The following CLVS1 variants were observed in gnomAD, a reference collection of about 807,000 sequenced individuals.
The protein encoded by CLVS1 is clavesin 1.
CLVS1 carries 10 observed loss-of-function variants against 33.1 expected under a neutral mutation model. The ratio of observed to expected loss-of-function variants is 0.30; its 90% CI spans 0.19 to 0.51. The LOEUF (loss-of-function observed/expected upper bound fraction) is 0.51, where lower values mean the gene tolerates loss of function less well. CLVS1 is among the 20% of genes least tolerant of loss of function. The pLI is 0.97. For missense variants in CLVS1, 343 were observed against 433.4 expected, an observed-to-expected ratio of 0.79 and a Z score of 1.85; for synonymous variants, 163 against 166.1, an observed-to-expected ratio of 0.98 and a Z score of 0.14.
intron 1 of CLVS1, among the ~76,000 whole-genome samples, chr8:61,075,215 T>A (rs935535147): frequency 6.6e-6 from 1 of 152,140 alleles, no homozygotes; most frequent in Non-Finnish European, 1.5e-5. Context: ...AGGTGGCTAT[T>A]TTCACGTAGC....
At chr8:61,218,704 G>A (rs1248334912) in intron 2 of CLVS1, among the ~76,000 whole-genome samples, 1 of 151,414 alleles carries the variant, frequency 6.6e-6, no homozygotes, top group African/African-American at 2.4e-5. Flanking sequence ...GGAGGCTGAG[G>A]CGGGTGGACA....
intron 2 of CLVS1, among the ~76,000 whole-genome samples, chr8:61,259,608 G>A (rs1181215519): frequency 6.6e-6 from 1 of 152,232 alleles, no homozygotes; most frequent in Non-Finnish European, 1.5e-5. Flanking sequence ...AGAACGAGAT[G>A]ATGTAGGCAG....
chr8:61,244,736 T>C (rs753120867), intron 2 of CLVS1, among the ~76,000 whole-genome samples: 3 of 152,166 alleles, frequency 2.0e-5, no homozygotes, highest in Non-Finnish European at 4.4e-5. Flanking sequence ...GTGGCATGTG[T>C]GTATGGGGGT....
chr8:60,999,954 G>A, the CLVS1 span, among the ~76,000 whole-genome samples: 1 of 152,226 alleles, frequency 6.6e-6, no homozygotes, highest in South Asian at 2.1e-4. Flanking sequence ...GGAGGCTGAA[G>A]GGATAGGCAG....
chr8:61,213,690 G>A (rs1313269014), intron 2 of CLVS1, among the ~76,000 whole-genome samples: 1 of 152,078 alleles, frequency 6.6e-6, no homozygotes, highest in African/African-American at 2.4e-5. Flanking sequence ...GAGGATGTAT[G>A]TTGCCTCAGG....
intron 2 of CLVS1, among the ~76,000 whole-genome samples, chr8:61,341,597 AATGC>A (rs1812031411): frequency 6.6e-6 from 1 of 152,126 alleles, no homozygotes; most frequent in Non-Finnish European, 1.5e-5. Flanking sequence ...TCTTCCTGGG[AATGC>A]ACACCTCCGT....
chr8:61,493,924 A>G (rs1356781973), intron 5 of CLVS1, among the ~76,000 whole-genome samples: 3 of 152,174 alleles, frequency 2.0e-5, no homozygotes. Flanking sequence ...CTCTTGGTGA[A>G]TGCCTGGGGT....
rs1014539396 is a variant in CLVS1, at chr8:61,211,006, G to A, written c.-152+79146G>A. ...TCAGGAAGGGATGAAGAGAGCAAGG[G>A]GAGAGTAAAGTAGAGGAAAGCCAAA... On this transcript the variant is annotated intron_variant, in intron 2 of 2. Coordinates refer to the CLVS1 transcript ENST00000522621. Among the ~76,000 whole-genome samples, 17 of 152,228 alleles carry A rather than the reference G, an allele frequency of 1.1e-4. No homozygotes were observed. The South Asian group carries it at 3.3e-3, about 30-fold the overall frequency.
intron 2 of CLVS1, among the ~76,000 whole-genome samples, chr8:61,166,255 G>T (rs2129297598): frequency 6.6e-6 from 1 of 151,984 alleles, no homozygotes; most frequent in South Asian, 2.1e-4. Flanking sequence ...ATCCTCCCAA[G>T]TACCTGGGAT....
intron 2 of CLVS1, among the ~76,000 whole-genome samples, chr8:61,311,430 C>T (rs1307418718): frequency 6.6e-6 from 1 of 152,184 alleles, no homozygotes; most frequent in African/African-American, 2.4e-5. Flanking sequence ...CTTACGATTG[C>T]ACTCAGGACC....
At chr8:61,005,599 G>A in the CLVS1 span, among the ~76,000 whole-genome samples, 9 of 152,288 alleles carry the variant, frequency 5.9e-5, no homozygotes, top group African/African-American at 1.9e-4. Flanking sequence ...ACGCTTCTCC[G>A]AATAAACCCA....
At chr8:60,976,628 G>A in the CLVS1 span, among the ~76,000 whole-genome samples, 3 of 152,190 alleles carry the variant, frequency 2.0e-5, no homozygotes, top group South Asian at 2.1e-4. Flanking sequence ...AGCTAGGAAC[G>A]GTCTGAATCA....
chr8:60,981,298 T>C, the CLVS1 span, among the ~76,000 whole-genome samples: 1 of 152,218 alleles, frequency 6.6e-6, no homozygotes, highest in Non-Finnish European at 1.5e-5. Flanking sequence ...AAGCCAAATA[T>C]ATTGAAATAC....
At chr8:61,302,373 T>C (rs1186046912) in intron 2 of CLVS1, among the ~76,000 whole-genome samples, 2 of 152,226 alleles carry the variant, frequency 1.3e-5, no homozygotes, top group Non-Finnish European at 2.9e-5. Context: ...TTTTAGGTCT[T>C]ATGATTCATT....
At chr8:61,313,218 G>A (rs1012816754) in intron 2 of CLVS1, among the ~76,000 whole-genome samples, 1 of 152,186 alleles carries the variant, frequency 6.6e-6, no homozygotes, top group Non-Finnish European at 1.5e-5. Flanking sequence ...GCTTTAAGGA[G>A]AAGTAAGAGT....
intron 1 of CLVS1, among the ~76,000 whole-genome samples, chr8:61,105,732 G>A (rs1805522251): frequency 6.6e-6 from 1 of 151,776 alleles, no homozygotes; most frequent in Admixed American, 6.6e-5. Flanking sequence ...CATTAAAAGT[G>A]CAATCATGTT....
intron 2 of CLVS1, among the ~76,000 whole-genome samples, chr8:61,318,991 A>G (rs1229903688): frequency 6.6e-6 from 1 of 152,028 alleles, no homozygotes; most frequent in African/African-American, 2.4e-5. Context: ...ACTATTTTTC[A>G]TAATGCTTTA....
At chr8:61,455,478 C>T (rs527303010) in intron 4 of CLVS1, among the ~76,000 whole-genome samples, 7 of 151,968 alleles carry the variant, frequency 4.6e-5, no homozygotes, top group South Asian at 2.1e-4. Flanking sequence ...CTGTGTCTGG[C>T]TTATTTTTGT....
At chr8:61,463,734 A>AT (rs201133724) in intron 5 of CLVS1, among the ~76,000 whole-genome samples, 2,095 of 152,076 alleles carry the variant, frequency 0.014, 28 homozygotes, top group African/African-American at 0.039. Flanking sequence ...AACATCACAA[A>AT]TTTTTTTATC....
Sources: gnomAD v4.1 joint callset for allele counts (sites outside exome capture counted in the v4.1 genomes callset) on GRCh38, gnomAD v4.1.1 for gene constraint, MANE v1.5 for transcripts, NCBI Gene and HGNC (gene_info 2026-07-23, HGNC 2026-07-21) for gene names.